ACSS2: variants seen among roughly 807,000 people sequenced by gnomAD.
The protein encoded by ACSS2 is acetyl-coenzyme A synthetase, cytoplasmic.
A neutral mutation model predicts 90.6 loss-of-function variants in ACSS2; 58 were observed. That is an observed-to-expected ratio of 0.64 (90% CI 0.52 to 0.80). The LOEUF (loss-of-function observed/expected upper bound fraction) is 0.80. ACSS2 is among the 30% of genes least tolerant of loss of function. The pLI is 0.00. For synonymous variants in ACSS2, 300 were observed against 330.9 expected, an observed-to-expected ratio of 0.91 and a Z score of 1.01; for missense variants, 759 against 912.0, an observed-to-expected ratio of 0.83 and a Z score of 2.16.
intron 12 of ACSS2, 71 bp downstream of exon 12, chr20:34,921,671 A>G (rs2081203129): frequency 1.2e-6 from 2 of 1,611,854 alleles, no homozygotes; most frequent in Non-Finnish European, 1.7e-6. Flanking sequence ...GCCTAGTTAG[A>G]TAGTGGAGAA....
chr20:34,903,225 C>T (rs571033786), intron 2 of ACSS2, among the ~76,000 whole-genome samples: 4 of 151,826 alleles, frequency 2.6e-5, no homozygotes, highest in Non-Finnish European at 5.9e-5. Flanking sequence ...ACCTGTGGTC[C>T]CAGCTACTTG....
upstream of ACSS2, chr20:34,876,547 G>GCCC (rs1448399602): frequency 1.6e-6 from 2 of 1,261,982 alleles, no homozygotes; most frequent in East Asian, 6.3e-5. Context: ...ACCAGGCCCC[G>GCCC]CCCCTCTACG....
At chr20:34,920,956 A>G in intron 9 of ACSS2, 50 bp from the exon 10 acceptor site, 1 of 1,610,768 alleles carries the variant, frequency 6.2e-7, no homozygotes, top group Non-Finnish European at 8.5e-7. Flanking sequence ...AGGGGGATGA[A>G]TAGAAGGACT....
intron 2 of ACSS2, among the ~76,000 whole-genome samples, chr20:34,884,971 A>T (rs924235086): frequency 6.6e-6 from 1 of 152,122 alleles, no homozygotes; most frequent in African/African-American, 2.4e-5. Context: ...AGACCAAGGC[A>T]GGTGGATTGC....
chr20:34,921,581 C>A lies in ACSS2; in HGVS notation c.1448C>A (p.Pro483His). Residue 483 changes from proline (P) to histidine (H), a missense_variant, in exon 12 of 18, where the codon CCC becomes CAC. Pro to His is a moderately conservative substitution (Grantham distance 77, BLOSUM62 -2). Coordinates refer to ENST00000360596, the MANE Select transcript of ACSS2 (RefSeq NM_018677.4). ...HMLTPLPGATPMKPGSATFPF... is the reference protein window; with the variant it reads ...HMLTPLPGATHMKPGSATFPF... ...TTGACTCCCCTTCCTGGTGCCACAC[C>A]CATGAAACCCGGTTCTGCTGTGAGT... is the stretch of plus-strand genomic sequence containing the variant. The A allele has an allele frequency of 6.2e-7, 1 of 1,614,176 alleles. No homozygotes were observed. The highest frequency in any genetic ancestry group is 8.5e-7 in the Non-Finnish European group (1 of 1,180,020).
At chr20:34,925,271 C>T (rs185822536) in intron 14 of ACSS2, among the ~76,000 whole-genome samples, 2 of 152,212 alleles carry the variant, frequency 1.3e-5, no homozygotes, top group East Asian at 3.9e-4. Context: ...TTGAGTGAGC[C>T]TGGAGGACCT....
At chr20:34,899,731 C>T (rs1163084742) in intron 2 of ACSS2, among the ~76,000 whole-genome samples, 1 of 152,060 alleles carries the variant, frequency 6.6e-6, no homozygotes, top group Non-Finnish European at 1.5e-5. Flanking sequence ...TTGTGATCCA[C>T]CCGCCCCAGC....
At position 34,911,783 on chromosome 20, in the gene ACSS2, G is replaced by A. The variant is rs368052958; in HGVS notation, c.375-1313G>A. On this transcript the variant is annotated intron_variant, in intron 2 of 17. Coordinates refer to ENST00000360596, the MANE Select transcript of ACSS2 (RefSeq NM_018677.4). ...TTGGAATATAAGCTCCATGATATCA[G>A]GTATCTTACTTATGTTGTTCATTGG... Among the ~76,000 whole-genome samples, 56 of 152,110 alleles carry A rather than the reference G, an allele frequency of 3.7e-4. No individual in the cohort carries two copies. In the South Asian group the frequency reaches 4.8e-3, roughly 13 times the overall value.
At chr20:34,902,450 A>G (rs1024435987) in intron 2 of ACSS2, among the ~76,000 whole-genome samples, 1 of 152,164 alleles carries the variant, frequency 6.6e-6, no homozygotes, top group South Asian at 2.1e-4. Flanking sequence ...GGAAAGCTTC[A>G]CTAGGAAGTG....
At chr20:34,888,566 C>T (rs1244409704) in intron 2 of ACSS2, among the ~76,000 whole-genome samples, 1 of 152,152 alleles carries the variant, frequency 6.6e-6, no homozygotes, top group Non-Finnish European at 1.5e-5. Flanking sequence ...AGTTCTTGCC[C>T]TCATGGAGGT....
At chr20:34,891,153 C>T (rs1201940180) in intron 2 of ACSS2, among the ~76,000 whole-genome samples, 3 of 152,172 alleles carry the variant, frequency 2.0e-5, no homozygotes, top group Admixed American at 2.0e-4. Flanking sequence ...CAAATACACA[C>T]ACTACATCTA....
chr20:34,889,820 GAA>G (rs2080290705), intron 2 of ACSS2, among the ~76,000 whole-genome samples: 1 of 152,198 alleles, frequency 6.6e-6, no homozygotes, highest in Admixed American at 6.5e-5. Context: ...TCTGGGGAGT[GAA>G]AGAGGAGTTA....
At chr20:34,908,440 C>T (rs1175378986) in intron 2 of ACSS2, among the ~76,000 whole-genome samples, 1 of 152,138 alleles carries the variant, frequency 6.6e-6, no homozygotes, top group Non-Finnish European at 1.5e-5. Context: ...AATACTCTTC[C>T]CAAGAATTAG....
At chr20:34,918,446 A>T (rs1046273344) in intron 7 of ACSS2, among the ~76,000 whole-genome samples, 5 of 152,226 alleles carry the variant, frequency 3.3e-5, no homozygotes, top group Non-Finnish European at 5.9e-5. Context: ...TCAAAGGAGA[A>T]TTTAGAGAAG....
At chr20:34,878,339 GGC>G (rs1448571372) in intron 1 of ACSS2, among the ~76,000 whole-genome samples, 1 of 152,172 alleles carries the variant, frequency 6.6e-6, no homozygotes, top group African/African-American at 2.4e-5. Context: ...TTTAGACCCT[GGC>G]TCTGCTGTTC....
intron 2 of ACSS2, among the ~76,000 whole-genome samples, chr20:34,898,451 G>C (rs1365413318): frequency 1.3e-5 from 2 of 150,252 alleles, no homozygotes; most frequent in Non-Finnish European, 1.5e-5. Flanking sequence ...GCTAGATACA[G>C]AGTGTCAATT....
chr20:34,923,902 G>A (rs776404874), intron 14 of ACSS2, among the ~76,000 whole-genome samples: 3 of 150,892 alleles, frequency 2.0e-5, no homozygotes, highest in African/African-American at 2.4e-5. Flanking sequence ...ATTTGGAAGG[G>A]ACAAACATCC....
chr20:34,914,552 C>T (rs1568992107), intron 7 of ACSS2, 115 bp downstream of exon 7: 2 of 929,846 alleles, frequency 2.2e-6, no homozygotes, highest in East Asian at 5.4e-5. Flanking sequence ...GATCCAGGAG[C>T]AATTCTAGGA....
chr20:34,880,536 A>T (rs1465107619), intron 1 of ACSS2, among the ~76,000 whole-genome samples: 2 of 151,928 alleles, frequency 1.3e-5, no homozygotes, highest in Admixed American at 1.3e-4. Flanking sequence ...AAAGAGCGAG[A>T]CACCGAGCTA....
Sources: allele counts gnomAD v4.1 joint callset (sites outside exome capture counted in the v4.1 genomes callset), GRCh38; gene constraint gnomAD v4.1.1; transcripts MANE v1.5; gene names NCBI Gene and HGNC (gene_info 2026-07-23, HGNC 2026-07-21).